Variants in STIM1 observed in about 807,000 individuals in gnomAD.
STIM1 encodes the protein stromal interaction molecule 1.
A neutral mutation model predicts 74.7 loss-of-function variants in STIM1; 25 were observed. The observed-to-expected ratio is 0.33, with a 90% CI of 0.24 to 0.47. STIM1 has a LOEUF of 0.47. STIM1 is among the 20% of genes least tolerant of loss of function. The pLI, the probability that STIM1 is intolerant of heterozygous loss-of-function variation, is 1.00. For synonymous variants in STIM1, 328 were observed against 348.8 expected, an observed-to-expected ratio of 0.94 and a Z score of 0.66; for missense variants, 728 against 920.8, an observed-to-expected ratio of 0.79 and a Z score of 2.71.
intron 2 of STIM1, among the ~76,000 whole-genome samples, chr11:4,020,791 C>T (rs539436113): frequency 9.9e-5 from 15 of 151,740 alleles, no homozygotes; most frequent in Admixed American, 5.9e-4. Context: ...TTTGCACAGG[C>T]GGAGTCTCCC....
At chr11:3,946,934 A>G (rs2093082656) in intron 1 of STIM1, among the ~76,000 whole-genome samples, 1 of 151,848 alleles carries the variant, frequency 6.6e-6, no homozygotes, top group Non-Finnish European at 1.5e-5. Flanking sequence ...AATGATTTGA[A>G]CCAACTCAGT....
chr11:4,079,525 G>C (rs1565169634), intron 7 of STIM1, among the ~76,000 whole-genome samples: 1 of 151,356 alleles, frequency 6.6e-6, no homozygotes, highest in Non-Finnish European at 1.5e-5. Context: ...AGTGAGCCGA[G>C]ATCACATCAC....
rs557637366 is a variant in STIM1, at chr11:3,992,368, T to G, written c.270+24686T>G. Among the ~76,000 whole-genome samples the G allele has an allele frequency of 1.7e-4, 26 of 152,090 alleles. 1 individual carries two copies. The South Asian group carries it at 4.4e-3, about 25-fold the overall frequency. ...GGCAGAGGTTGTAGTGAGCCGAGATTGGGCCACTGCACTTTAGCCTGGGTG... is the reference window on the plus strand; with the variant it reads ...GGCAGAGGTTGTAGTGAGCCGAGATGGGGCCACTGCACTTTAGCCTGGGTG... On this transcript the variant is annotated intron_variant, in intron 2 of 12. Transcript: ENST00000526596.
intron 1 of STIM1, among the ~76,000 whole-genome samples, chr11:3,888,852 G>A (rs1216410164): frequency 3.3e-5 from 5 of 151,920 alleles, no homozygotes; most frequent in East Asian, 3.9e-4. Context: ...ATGCCCGGCC[G>A]CCGTGTAGTC....
intron 2 of STIM1, among the ~76,000 whole-genome samples, chr11:4,011,911 G>A (rs539775717): frequency 1.2e-3 from 184 of 152,290 alleles, no homozygotes; most frequent in African/African-American, 4.2e-3. Flanking sequence ...TAAGGTGTAA[G>A]GAAGGGATCC....
At chr11:4,009,199 G>A (rs1378858210) in intron 2 of STIM1, among the ~76,000 whole-genome samples, 1 of 152,040 alleles carries the variant, frequency 6.6e-6, no homozygotes, top group Non-Finnish European at 1.5e-5. Context: ...GAAGGCTGAG[G>A]CAGGAGAATG....
intron 1 of STIM1, among the ~76,000 whole-genome samples, chr11:3,940,760 G>T (rs575471344): frequency 2.0e-5 from 3 of 152,306 alleles, no homozygotes; most frequent in African/African-American, 7.2e-5. Flanking sequence ...GTCCCACAGA[G>T]AATGTCAATC....
In STIM1 at chr11:3,905,369, A is replaced by AT. The variant is rs879493931; in HGVS notation, c.139+48975dup. ...GGCAGCAGAGGAGGCAGGTTCAAAG[A>AT]TTTTTTTTTTTTTTTAAAGGTGGAG... On this transcript the variant is annotated intron_variant, in intron 1 of 12. Transcript: ENST00000526596. Among the ~76,000 whole-genome samples the AT allele has an allele frequency of 2.1e-3, 305 of 144,070 alleles. 2 individuals carry two copies. Among genetic ancestry groups the AT allele is most frequent in the African/African-American group, 5.8e-3 (229 of 39,272 alleles). 94.5% of individuals were successfully genotyped at this position (144,070 alleles called of 152,430 possible). A position where few individuals can be genotyped will look rare whatever the true frequency, so the allele number is the denominator to read the frequency against.
intron 3 of STIM1, among the ~76,000 whole-genome samples, chr11:4,025,944 A>G (rs538587386): frequency 4.8e-4 from 73 of 152,288 alleles, no homozygotes; most frequent in African/African-American, 1.6e-3. Context: ...TATGTACCCT[A>G]TTAGAATTTG....
intron 1 of STIM1, chr11:3,961,684 T>A (rs1339948963): frequency 6.6e-6 from 1 of 151,878 alleles, no homozygotes; most frequent in Non-Finnish European, 1.5e-5. Flanking sequence ...AATTTTTGTA[T>A]TTTTTAGTAG....
At chr11:3,888,744 G>T (rs896892401) in intron 1 of STIM1, among the ~76,000 whole-genome samples, 1 of 152,056 alleles carries the variant, frequency 6.6e-6, no homozygotes, top group Non-Finnish European at 1.5e-5. Flanking sequence ...TAGAGACGGG[G>T]TTTCACCATG....
At chr11:4,086,007 A>G (rs996427187) in intron 11 of STIM1, among the ~76,000 whole-genome samples, 3 of 152,218 alleles carry the variant, frequency 2.0e-5, no homozygotes, top group African/African-American at 7.2e-5. Context: ...TTACTTTCAT[A>G]CAACTATTAA....
At chr11:4,088,665 T>C (rs2094506748) in intron 12 of STIM1, 1 of 1,533,720 alleles carries the variant, frequency 6.5e-7, no homozygotes, top group African/African-American at 1.4e-5. Context: ...CCACCTGGCC[T>C]GTTCACTACT....
chr11:3,989,525 G>T, intron 2 of STIM1: 1 of 590,120 alleles, frequency 1.7e-6, no homozygotes. Flanking sequence ...GAGCCTTCGC[G>T]AAGCTGGGCT....
At chr11:4,052,782 A>G (rs1484263423) in intron 3 of STIM1, among the ~76,000 whole-genome samples, 1 of 152,246 alleles carries the variant, frequency 6.6e-6, no homozygotes, top group African/African-American at 2.4e-5. Context: ...AGAAGAAACT[A>G]CCATCAGAGT....
At chr11:4,023,022 T>C (rs1363678271) in intron 2 of STIM1, among the ~76,000 whole-genome samples, 1 of 152,180 alleles carries the variant, frequency 6.6e-6, no homozygotes, top group East Asian at 1.9e-4. Context: ...AAACAATTTG[T>C]GGACATGTTT....
At chr11:3,857,813 T>C (rs2090444026) in intron 1 of STIM1, among the ~76,000 whole-genome samples, 2 of 152,180 alleles carry the variant, frequency 1.3e-5, no homozygotes, top group South Asian at 4.1e-4. Flanking sequence ...TATTGGGCAA[T>C]ACCCTTTTAA....
Position 4,083,541 on chromosome 11 carries a change from G to A in STIM1, c.1474+43G>A, listed in dbSNP as rs201880407. The A allele has an allele frequency of 5.1e-5, 80 of 1,564,818 alleles. 1 individual carries two copies. Among genetic ancestry groups the A allele is most frequent in the Non-Finnish European group, 6.6e-5 (76 of 1,149,804 alleles). The stretch of plus-strand genomic sequence containing the variant: ...GGGGATGAAGGAAGGAGCCTTTGAT[G>A]TACAGGTTGAGAAGTCTGTGGCCTC... On this transcript the variant is annotated intron_variant, in intron 10 of 12. Coordinates refer to ENST00000526596, the MANE Select transcript of STIM1 (RefSeq NM_001382567.1).
At chr11:3,864,174 C>T (rs2090753064) in intron 1 of STIM1, among the ~76,000 whole-genome samples, 1 of 152,202 alleles carries the variant, frequency 6.6e-6, no homozygotes, top group Non-Finnish European at 1.5e-5. Context: ...GCTGTACTCT[C>T]TTATTGAGTA....
Sources: gnomAD v4.1 joint callset for allele counts (sites outside exome capture counted in the v4.1 genomes callset) on GRCh38, gnomAD v4.1.1 for gene constraint, MANE v1.5 for transcripts, NCBI Gene and HGNC (gene_info 2026-07-23, HGNC 2026-07-21) for gene names.